Variants in PCTP observed in about 807,000 individuals in gnomAD.
The protein encoded by PCTP is phosphatidylcholine transfer protein.
In PCTP, 27 loss-of-function variants were observed where a neutral mutation model predicts 31.0. That is an observed-to-expected ratio of 0.87 (90% CI 0.64 to 1.20). The LOEUF is 1.20. Ranked by LOEUF, PCTP falls within the 50% of genes most tolerant of loss-of-function variation. PCTP has a pLI of 0.00. For synonymous variants in PCTP, 108 were observed against 101.2 expected (o/e 1.07, Z -0.40); for missense variants, 287 against 268.2 (o/e 1.07, Z -0.49).
chr17:55,774,107 C>T (rs1489275307), intron 4 of PCTP, among the ~76,000 whole-genome samples: 1 of 152,174 alleles, frequency 6.6e-6, no homozygotes, highest in Non-Finnish European at 1.5e-5. Context: ...TAACTCTGAC[C>T]CAGTCTATTT....
Position 55,767,344 on chromosome 17 carries a change from C to T in PCTP, c.151C>T (p.Leu51Phe). 1.9e-6 allele frequency: 3 copies of T among 1,605,830 alleles called. No individual in the cohort carries two copies. Among genetic ancestry groups the T allele is most frequent in the South Asian group, 2.2e-5 (2 of 90,762 alleles). Residue 51 changes from leucine (L) to phenylalanine (F), a missense_variant, in exon 2 of 6, where the codon CTT becomes TTT. Transcript: ENST00000268896. The part of the protein sequence containing the change: ...IYRLLDKKTG[L>F]YEYKVFGVLE... Reference sequence around the variant, plus strand: ...TGTTCTGTTTTTATAGAAGACTGGACTTTATGAGTATAAAGTCTTTGGTGT... The same window carrying T: ...TGTTCTGTTTTTATAGAAGACTGGATTTTATGAGTATAAAGTCTTTGGTGT...
intron 2 of PCTP, among the ~76,000 whole-genome samples, chr17:55,784,336 C>T (rs1315427915): frequency 6.6e-6 from 1 of 152,174 alleles, no homozygotes; most frequent in African/African-American, 2.4e-5. Context: ...CCAATGGCTC[C>T]ACATACACAG....
chr17:55,756,577 G>A (rs1567709786), intron 1 of PCTP, among the ~76,000 whole-genome samples: 1 of 152,192 alleles, frequency 6.6e-6, no homozygotes, highest in Admixed American at 6.5e-5. Context: ...AACTGGTCTA[G>A]GGTGGGGCTT....
intron 1 of PCTP, among the ~76,000 whole-genome samples, chr17:55,756,955 A>G (rs556353831): frequency 1.3e-5 from 2 of 152,206 alleles, no homozygotes; most frequent in Non-Finnish European, 2.9e-5. Context: ...GCCAGGTGAT[A>G]TTGATCAGTT....
downstream of PCTP, among the ~76,000 whole-genome samples, chr17:55,823,560 A>G (rs928365368): frequency 1.3e-5 from 2 of 152,242 alleles, no homozygotes; most frequent in Non-Finnish European, 2.9e-5. Flanking sequence ...AAGTAAATAT[A>G]TAAATTAGAA....
intron 3 of PCTP, among the ~76,000 whole-genome samples, chr17:55,797,032 A>G (rs1325566501): frequency 6.6e-6 from 1 of 151,976 alleles, no homozygotes; most frequent in Non-Finnish European, 1.5e-5. Context: ...CATTCAAATA[A>G]TGGATAGTAG....
downstream of PCTP, among the ~76,000 whole-genome samples, chr17:55,844,261 A>G (rs1598027384): frequency 6.6e-6 from 1 of 152,230 alleles, no homozygotes; most frequent in African/African-American, 2.4e-5. Flanking sequence ...ATTAGAAAGC[A>G]GGTGGAATCT....
intron 3 of PCTP, among the ~76,000 whole-genome samples, chr17:55,821,491 C>T (rs149115588): frequency 2.5e-3 from 388 of 152,266 alleles, no homozygotes; most frequent in African/African-American, 8.6e-3. Context: ...AAATTGTACA[C>T]ATAAATTGGT....
rs182099930 is a variant in PCTP, at chr17:55,800,237, C to T, written c.317+12583C>T. Reference sequence around the variant, plus strand: ...ATCAAATGGGGGTTTGGTCTTTTCACATAGTCCCATATTTCTCAGAGGTTT... The same window carrying T: ...ATCAAATGGGGGTTTGGTCTTTTCATATAGTCCCATATTTCTCAGAGGTTT... On this transcript the variant is annotated intron_variant, in intron 3 of 3. Transcript: ENST00000572536. 1.4e-4 allele frequency among the ~76,000 whole-genome samples: 21 copies of T among 152,212 alleles called. No individual in the cohort carries two copies. In the East Asian group the frequency reaches 3.9e-3, roughly 28 times the overall value.
intron 4 of PCTP, 77 bp from the exon 5 acceptor site, chr17:55,774,715 A>C: frequency 8.4e-7 from 1 of 1,185,712 alleles, no homozygotes; most frequent in Non-Finnish European, 1.3e-6. Flanking sequence ...ATGAAGATAT[A>C]AAGTTTGCAC....
At chr17:55,847,672 TA>T (rs1197891668), downstream of PCTP, among the ~76,000 whole-genome samples, 1 of 152,166 alleles carries the variant, frequency 6.6e-6, no homozygotes, top group East Asian at 1.9e-4. Flanking sequence ...GCTGGCAGTC[TA>T]AAGACTCAAG....
chr17:55,779,181 A>G (rs1015069836), downstream of PCTP, among the ~76,000 whole-genome samples: 2 of 152,192 alleles, frequency 1.3e-5, no homozygotes, highest in African/African-American at 4.8e-5. Flanking sequence ...GTCCATCAGC[A>G]TTGGGATAGG....
At chr17:55,771,067 A>C (rs939570722) in intron 2 of PCTP, 39 bp from the exon 3 acceptor site, 31 of 1,502,840 alleles carry the variant, frequency 2.1e-5, no homozygotes, top group Non-Finnish European at 2.8e-5. Context: ...GTAGCTAAAA[A>C]GGCTTCCAGA....
At chr17:55,835,560 A>C (rs1234821584) in intron 5 of PCTP, among the ~76,000 whole-genome samples, 1 of 152,302 alleles carries the variant, frequency 6.6e-6, no homozygotes, top group East Asian at 1.9e-4. Context: ...ATTGCAAGGG[A>C]TAGAAACTTA....
intron 3 of PCTP, among the ~76,000 whole-genome samples, chr17:55,798,616 G>T (rs1912264008): frequency 6.6e-6 from 1 of 151,874 alleles, no homozygotes; most frequent in Non-Finnish European, 1.5e-5. Flanking sequence ...TACCAGCCTA[G>T]ACTTCTATAC....
rs1291911205 is a variant in PCTP at position 55,791,416 on chromosome 17, G to A, written c.317+3762G>A. Among the ~76,000 whole-genome samples, 6 of 145,264 alleles carry A rather than the reference G, an allele frequency of 4.1e-5. No homozygotes were observed. The South Asian group carries it at 1.1e-3, about 27-fold the overall frequency. ...TTCGCAACCTACTCATCTGACAAAG[G>A]GCTAATATCCAGAATCTACAATGAA... On this transcript the variant is annotated intron_variant, in intron 3 of 3. Coordinates refer to the PCTP transcript ENST00000572536.
intron 5 of PCTP, among the ~76,000 whole-genome samples, chr17:55,839,716 C>G (rs1431309506): frequency 6.6e-6 from 1 of 151,220 alleles, no homozygotes; most frequent in East Asian, 1.9e-4. Context: ...GTCAGGAGAT[C>G]GAGACCATCC....
intron 5 of PCTP, among the ~76,000 whole-genome samples, chr17:55,834,356 G>GCC (rs3083363): frequency 0.13 from 19,054 of 151,900 alleles, 1,345 homozygotes; most frequent in East Asian, 0.35. Context: ...CCCTCTCCCT[G>GCC]CTCCACCCCC....
chr17:55,787,273 T>C, intron 2 of PCTP, among the ~76,000 whole-genome samples: 1 of 151,612 alleles, frequency 6.6e-6, no homozygotes, highest in African/African-American at 2.4e-5. Flanking sequence ...AATCCTTGTG[T>C]TTTAATTCTT....
Sources: allele counts gnomAD v4.1 joint callset (sites outside exome capture counted in the v4.1 genomes callset), GRCh38; gene constraint gnomAD v4.1.1; transcripts MANE v1.5; gene names NCBI Gene and HGNC (gene_info 2026-07-23, HGNC 2026-07-21).